The following ASAP1 variants were observed in gnomAD, a reference collection of about 807,000 sequenced individuals.
ASAP1 encodes ArfGAP with SH3 domain, ankyrin repeat and PH domain 1.
A neutral mutation model predicts 145.2 loss-of-function variants in ASAP1; 43 were observed. The ratio of observed to expected loss-of-function variants is 0.30; its 90% confidence interval spans 0.23 to 0.38. The LOEUF is 0.38. ASAP1 is among the 10% of genes least tolerant of loss of function. ASAP1 has a pLI of 1.00. For synonymous variants in ASAP1, 546 were observed against 515.5 expected, an observed-to-expected ratio of 1.06 and a Z score of -0.80; for missense variants, 1,018 against 1,355.3, an observed-to-expected ratio of 0.75 and a Z score of 3.91.
chr8:130,435,605 G>A (rs1483565482), intron 1 of ASAP1, among the ~76,000 whole-genome samples: 1 of 152,142 alleles, frequency 6.6e-6, no homozygotes, highest in East Asian at 1.9e-4. Context: ...TTCCTGGTCT[G>A]AAAAAGAAGA....
chr8:130,166,526 T>TG (rs975813373), intron 11 of ASAP1, among the ~76,000 whole-genome samples: 19 of 152,142 alleles, frequency 1.2e-4, no homozygotes, highest in Admixed American at 5.2e-4. Flanking sequence ...TTGAATATGC[T>TG]GGGGAGTTTT....
At chr8:130,399,548 T>A (rs2138551592) in intron 2 of ASAP1, among the ~76,000 whole-genome samples, 1 of 152,314 alleles carries the variant, frequency 6.6e-6, no homozygotes, top group African/African-American at 2.4e-5. Context: ...GGCGGTATCA[T>A]GTCTCGATCA....
At chr8:130,422,127 G>A (rs1435279791) in intron 1 of ASAP1, among the ~76,000 whole-genome samples, 1 of 152,136 alleles carries the variant, frequency 6.6e-6, no homozygotes, top group Non-Finnish European at 1.5e-5. Context: ...CTCAGAATAA[G>A]GAGCTCATCA....
At chr8:130,316,426 A>C (rs1823666768) in intron 3 of ASAP1, among the ~76,000 whole-genome samples, 1 of 152,136 alleles carries the variant, frequency 6.6e-6, no homozygotes, top group Admixed American at 6.5e-5. Context: ...CTGCCCCAAC[A>C]TCCATTCTCC....
chr8:130,248,413 CTTG>C (rs1818988273), intron 3 of ASAP1, among the ~76,000 whole-genome samples: 2 of 152,094 alleles, frequency 1.3e-5, no homozygotes, highest in South Asian at 2.1e-4. Flanking sequence ...AAAACAGGCC[CTTG>C]TTGTTAAGAA....
intron 1 of ASAP1, among the ~76,000 whole-genome samples, chr8:130,434,776 C>T (rs1830252827): frequency 6.6e-6 from 1 of 152,078 alleles, no homozygotes; most frequent in African/African-American, 2.4e-5. Context: ...TGTGACGGCT[C>T]GGCCCATATT....
intron 2 of ASAP1, among the ~76,000 whole-genome samples, chr8:130,400,713 G>C (rs1268163177): frequency 2.0e-5 from 3 of 151,094 alleles, no homozygotes; most frequent in Admixed American, 6.6e-5. Context: ...ATGGCGTGAA[G>C]CCGGGAGGCG....
chr8:130,210,619 C>T (rs1008988635), intron 5 of ASAP1, among the ~76,000 whole-genome samples: 2 of 152,212 alleles, frequency 1.3e-5, no homozygotes, highest in African/African-American at 4.8e-5. Flanking sequence ...ATCACCAGGA[C>T]AGGCCCTGGT....
chr8:130,299,569 C>T (rs554324776), intron 3 of ASAP1, among the ~76,000 whole-genome samples: 1 of 152,236 alleles, frequency 6.6e-6, no homozygotes, highest in Non-Finnish European at 1.5e-5. Context: ...TGTTTAGTTG[C>T]TATACTATTG....
intron 3 of ASAP1, among the ~76,000 whole-genome samples, chr8:130,292,979 A>G (rs1446122386): frequency 1.3e-5 from 2 of 152,230 alleles, no homozygotes; most frequent in Non-Finnish European, 2.9e-5. Context: ...TTCAGTTAGC[A>G]GCTCAGTCTG....
intron 16 of ASAP1, among the ~76,000 whole-genome samples, chr8:130,126,932 C>T (rs551003295): frequency 1.0e-3 from 157 of 152,312 alleles, no homozygotes; most frequent in Admixed American, 2.5e-3. Context: ...AGTCATTCAA[C>T]CTCTCTGAGT....
chr8:130,356,331 A>T (rs1191140600), intron 3 of ASAP1, among the ~76,000 whole-genome samples: 3 of 152,210 alleles, frequency 2.0e-5, no homozygotes, highest in Non-Finnish European at 4.4e-5. Flanking sequence ...AAACTTATCT[A>T]GAAGGAAAAT....
At position 130,107,183 on chromosome 8, in the gene ASAP1, C is replaced by CT. The variant is rs34978580; in HGVS notation, c.2401+4910dup. On this transcript the variant is annotated intron_variant, in intron 24 of 29. Transcript: ENST00000518721. ...GAACTATAGTCTCTCTCTTCTTCTT[C>CT]TTTTTTTTTTTTTTTTTGAGACGGA... Among the ~76,000 whole-genome samples the CT allele has an allele frequency of 5.3e-3, 632 of 119,646 alleles. 3 individuals carry two copies. Among genetic ancestry groups the CT allele is most frequent in the East Asian group, 7.9e-3 (31 of 3,942 alleles). The allele number at this position is 119,646 out of a possible 152,430, so 78.5% of individuals were successfully genotyped here. A position where few individuals can be genotyped will look rare whatever the true frequency, so the allele number is the denominator to read the frequency against.
intron 19 of ASAP1, 33 bp from the exon 20 acceptor site, chr8:130,118,279 A>G: frequency 6.2e-7 from 1 of 1,600,164 alleles, no homozygotes; most frequent in Non-Finnish European, 8.6e-7. Flanking sequence ...AAGTAAGTCA[A>G]TAATATGCTC....
At chr8:130,173,255 C>A (rs1287938057) in intron 9 of ASAP1, among the ~76,000 whole-genome samples, 3 of 152,184 alleles carry the variant, frequency 2.0e-5, no homozygotes, top group Admixed American at 6.5e-5. Context: ...CAGTCATTAG[C>A]AATGTATCAG....
chr8:130,143,911 T>C (rs1050038742), intron 13 of ASAP1, among the ~76,000 whole-genome samples: 1 of 152,244 alleles, frequency 6.6e-6, no homozygotes, highest in Non-Finnish European at 1.5e-5. Context: ...TCCCATCATC[T>C]TACTGAATTG....
intron 3 of ASAP1, among the ~76,000 whole-genome samples, chr8:130,344,819 C>A (rs557768492): frequency 6.6e-6 from 1 of 152,112 alleles, no homozygotes; most frequent in Non-Finnish European, 1.5e-5. Context: ...GACTGAGCTA[C>A]TAGCGCAAAA....
chr8:130,226,843 C>A (rs367739420), intron 4 of ASAP1, among the ~76,000 whole-genome samples: 2 of 152,130 alleles, frequency 1.3e-5, no homozygotes, highest in African/African-American at 4.8e-5. Flanking sequence ...AAGAAATACA[C>A]AATACACTTT....
chr8:130,108,287 T>C (rs2097540933), intron 24 of ASAP1, among the ~76,000 whole-genome samples: 1 of 152,236 alleles, frequency 6.6e-6, no homozygotes, highest in Non-Finnish European at 1.5e-5. Context: ...GGCTATATAA[T>C]GCCTGATTCT....
Sources: allele counts gnomAD v4.1 joint callset (sites outside exome capture counted in the v4.1 genomes callset), GRCh38; gene constraint gnomAD v4.1.1; transcripts MANE v1.5; gene names NCBI Gene and HGNC (gene_info 2026-07-23, HGNC 2026-07-21).